The following SPATA22 variants were observed in gnomAD, a reference collection of about 807,000 sequenced individuals.
SPATA22 encodes spermatogenesis associated 22, also known as spermatogenesis-associated protein 22.
Under a neutral mutation model 47.8 loss-of-function variants are expected in SPATA22, and 29 were observed. The observed-to-expected ratio is 0.61, with a 90% CI of 0.45 to 0.83. The LOEUF (loss-of-function observed/expected upper bound fraction) is 0.83, where lower values mean the gene tolerates loss of function less well. Among genes scored for constraint, SPATA22 ranks in the 40% least tolerant of loss-of-function variants. The pLI, the probability that SPATA22 is intolerant of heterozygous loss-of-function variation, is 0.00. For synonymous variants in SPATA22, 133 were observed against 140.9 expected, an observed-to-expected ratio of 0.94 and a Z score of 0.40; for missense variants, 410 against 421.7, an observed-to-expected ratio of 0.97 and a Z score of 0.24.
At chr17:3,453,909 C>T (rs976492350) in intron 5 of SPATA22, among the ~76,000 whole-genome samples, 9 of 151,928 alleles carry the variant, frequency 5.9e-5, no homozygotes, top group Non-Finnish European at 4.4e-5. Context: ...ATAAAAGGAG[C>T]GCAAATTGGA....
At chr17:3,442,299 A>G (rs192343089) in intron 8 of SPATA22, among the ~76,000 whole-genome samples, 1 of 152,076 alleles carries the variant, frequency 6.6e-6, no homozygotes, top group Admixed American at 6.6e-5. Context: ...AACCTTTCGA[A>G]GTAGGAATTT....
chr17:3,476,350 A>G, upstream of SPATA22: 1 of 1,614,174 alleles, frequency 6.2e-7, no homozygotes, highest in Non-Finnish European at 8.5e-7. Flanking sequence ...TGTACCAGAT[A>G]TATTGACTGT....
intron 1 of SPATA22, among the ~76,000 whole-genome samples, chr17:3,480,717 G>C (rs1267855661): frequency 6.6e-6 from 1 of 152,194 alleles, no homozygotes; most frequent in Non-Finnish European, 1.5e-5. Context: ...TCCCCAGGTA[G>C]GAAGGGGGCT....
At chr17:3,456,689 C>T (rs1448062884) in intron 5 of SPATA22, among the ~76,000 whole-genome samples, 1 of 152,058 alleles carries the variant, frequency 6.6e-6, no homozygotes, top group African/African-American at 2.4e-5. Context: ...TCCTCCCTAA[C>T]TCATTTTATG....
chr17:3,471,615 T>G (rs969248396), intron 1 of SPATA22, 67 bp downstream of exon 1: 36 of 985,134 alleles, frequency 3.7e-5, no homozygotes, highest in Non-Finnish European at 4.1e-5. Flanking sequence ...CAGTCCGAGT[T>G]GAGACGCTCT....
At chr17:3,455,168 G>T (rs889139321) in intron 5 of SPATA22, among the ~76,000 whole-genome samples, 6 of 151,444 alleles carry the variant, frequency 4.0e-5, no homozygotes, top group Non-Finnish European at 7.4e-5. Context: ...TAAATTTGTT[G>T]GAGTTCATTG....
intron 1 of SPATA22, among the ~76,000 whole-genome samples, chr17:3,503,886 C>T (rs1026837877): frequency 2.0e-5 from 3 of 152,174 alleles, no homozygotes; most frequent in Non-Finnish European, 4.4e-5. Flanking sequence ...CATATAAGCA[C>T]TTAGCTCAGT....
In SPATA22 at chr17:3,440,096, G is replaced by C; in HGVS notation, c.*51C>G. 1 of 1,183,562 alleles carries C rather than the reference G, an allele frequency of 8.4e-7. No individual in the cohort carries two copies. The highest frequency in any genetic ancestry group is 1.2e-6 in the Non-Finnish European group (1 of 868,168). The allele number at this position is 1,183,562 out of a possible 1,614,324, so 73.3% of individuals were successfully genotyped here. A position where few individuals can be genotyped will look rare whatever the true frequency, so the allele number is the denominator to read the frequency against. Reference sequence around the variant, plus strand: ...TAAAACTATGGAGATGGTAAATTAAGCAATAACAGAAAACTGCTATAATTT... The same window carrying C: ...TAAAACTATGGAGATGGTAAATTAACCAATAACAGAAAACTGCTATAATTT... On this transcript the variant is annotated 3_prime_UTR_variant, in exon 9 of 9. Coordinates refer to ENST00000572969, the MANE Select transcript of SPATA22 (RefSeq NM_001170698.2).
chr17:3,451,687 G>A (rs1294029142), intron 5 of SPATA22, among the ~76,000 whole-genome samples: 6 of 152,104 alleles, frequency 3.9e-5, no homozygotes, highest in Non-Finnish European at 8.8e-5. Flanking sequence ...GGTGGCTTAC[G>A]TCTGTAATCC....
chr17:3,469,701 G>A (rs1180335251), intron 1 of SPATA22, among the ~76,000 whole-genome samples: 1 of 152,158 alleles, frequency 6.6e-6, no homozygotes, highest in Non-Finnish European at 1.5e-5. Context: ...CACCTACAAA[G>A]AGGAAAATGG....
chr17:3,444,020 T>TCTCC (rs1469044793), intron 7 of SPATA22, among the ~76,000 whole-genome samples: 1 of 151,970 alleles, frequency 6.6e-6, no homozygotes, highest in Admixed American at 6.6e-5. Flanking sequence ...TTGACCTACA[T>TCTCC]CTCCCTATTC....
intron 8 of SPATA22, among the ~76,000 whole-genome samples, chr17:3,442,790 G>A (rs1196424622): frequency 1.3e-5 from 2 of 151,788 alleles, no homozygotes; most frequent in African/African-American, 4.8e-5. Flanking sequence ...TCTAGGATAA[G>A]TTACCACCTT....
upstream of SPATA22, among the ~76,000 whole-genome samples, chr17:3,476,598 A>G (rs957111277): frequency 2.6e-5 from 4 of 152,212 alleles, no homozygotes; most frequent in Non-Finnish European, 5.9e-5. Flanking sequence ...ATGCTCTTTT[A>G]TAAACCTTCT....
intron 1 of SPATA22, among the ~76,000 whole-genome samples, chr17:3,495,491 G>C (rs947798032): frequency 6.0e-4 from 91 of 152,234 alleles, no homozygotes; most frequent in African/African-American, 2.2e-3. Flanking sequence ...AGCAAATCCT[G>C]CTTTGTGGCT....
At chr17:3,451,517 A>C (rs1453169306) in intron 5 of SPATA22, among the ~76,000 whole-genome samples, 4 of 152,224 alleles carry the variant, frequency 2.6e-5, no homozygotes, top group African/African-American at 7.2e-5. Context: ...ATTCTTCTCA[A>C]GCACAGATGG....
intron 5 of SPATA22, among the ~76,000 whole-genome samples, chr17:3,450,297 T>C (rs910688112): frequency 2.0e-5 from 3 of 152,192 alleles, no homozygotes; most frequent in Non-Finnish European, 4.4e-5. Flanking sequence ...CCAAGTTTTA[T>C]GAGGTCTGAA....
At chr17:3,466,128 T>G (rs1420767139) in intron 3 of SPATA22, among the ~76,000 whole-genome samples, 1 of 150,896 alleles carries the variant, frequency 6.6e-6, no homozygotes. Flanking sequence ...TTTGTTTTCT[T>G]TAAACAAAAT....
upstream of SPATA22, chr17:3,476,439 A>G (rs574201807): frequency 5.1e-5 from 81 of 1,574,564 alleles, no homozygotes; most frequent in South Asian, 6.8e-4. Flanking sequence ...TGTTGTGTGA[A>G]AAGTGGTAGG....
chr17:3,469,294 C>A lies in SPATA22; in HGVS notation c.32G>T (p.Arg11Leu). Reference protein sequence around the residue: MKRSLNENSARSTAGCLPVPL... With the variant: MKRSLNENSALSTAGCLPVPL... Reference sequence around the variant, plus strand: ...AAGTTGTTCAATACCTGCTGTACTTCGAGCTGAATTTTCATTTAGGCTTCG... The same window carrying A: ...AAGTTGTTCAATACCTGCTGTACTTAGAGCTGAATTTTCATTTAGGCTTCG... The change falls in exon 2 of 9, where the codon CGA becomes CTA. Residue 11 changes from arginine to leucine, a missense_variant. By Grantham distance (102) the Arg-to-Leu change is moderately radical. Coordinates refer to ENST00000572969, the MANE Select transcript of SPATA22 (RefSeq NM_001170698.2). 6.5e-7 allele frequency: 1 copy of A among 1,549,406 alleles called. No homozygotes were observed. The highest frequency in any genetic ancestry group is 1.4e-5 in the African/African-American group (1 of 73,852).
Sources: allele counts gnomAD v4.1 joint callset (sites outside exome capture counted in the v4.1 genomes callset), GRCh38; gene constraint gnomAD v4.1.1; transcripts MANE v1.5; gene names NCBI Gene and HGNC (gene_info 2026-07-23, HGNC 2026-07-21).